Variants in SRRM4 observed in about 807,000 individuals in gnomAD.
SRRM4 encodes the protein serine/arginine repetitive matrix protein 4.
Under a neutral mutation model 68.9 loss-of-function variants are expected in SRRM4, and 33 were observed. The ratio of observed to expected loss-of-function variants is 0.48; its 90% confidence interval spans 0.36 to 0.64. The LOEUF (loss-of-function observed/expected upper bound fraction) is 0.64. SRRM4 is among the 30% of genes least tolerant of loss of function. The probability of loss-of-function intolerance (pLI) is 0.00; values close to 1 mark genes in which losing one functional copy is unlikely to be tolerated. For synonymous variants in SRRM4, 318 were observed against 318.8 expected (o/e 1.00, Z 0.03); for missense variants, 817 against 827.1 (o/e 0.99, Z 0.15).
At chr12:119,041,292 C>T (rs1453584752) in intron 1 of SRRM4, among the ~76,000 whole-genome samples, 1 of 152,082 alleles carries the variant, frequency 6.6e-6, no homozygotes, top group Non-Finnish European at 1.5e-5. Flanking sequence ...TGGAGTCACA[C>T]CTCTAAATTA....
intron 1 of SRRM4, among the ~76,000 whole-genome samples, chr12:119,069,000 G>A (rs1399936781): frequency 6.6e-6 from 1 of 152,016 alleles, no homozygotes; most frequent in African/African-American, 2.4e-5. Context: ...TAGCTCCAGG[G>A]AACAGGGAAT....
intron 1 of SRRM4, among the ~76,000 whole-genome samples, chr12:119,074,626 T>G (rs550232998): frequency 3.4e-4 from 52 of 152,236 alleles, no homozygotes; most frequent in Non-Finnish European, 7.1e-4. Flanking sequence ...AGGAGATGCT[T>G]TTAAAAAGTA....
chr12:119,086,153 A>T (rs760656338), intron 1 of SRRM4, among the ~76,000 whole-genome samples: 3 of 152,194 alleles, frequency 2.0e-5, no homozygotes, highest in Non-Finnish European at 2.9e-5. Flanking sequence ...ACCTGCCTGT[A>T]TGGCACATCT....
rs1195594166 is a variant in SRRM4, at chr12:119,011,156, G to A, written c.131+29143G>A. ...TAAAAAATGTTTTCATCATTCACAAGCTTTCCTCCTGTGTTAGTTATGTAT... is the reference window on the plus strand; with the variant it reads ...TAAAAAATGTTTTCATCATTCACAAACTTTCCTCCTGTGTTAGTTATGTAT... On this transcript the variant is annotated intron_variant, in intron 1 of 12. Transcript: ENST00000267260. Among the ~76,000 whole-genome samples the A allele has an allele frequency of 2.0e-5, 3 of 152,068 alleles. No individual in the cohort carries two copies. In the East Asian group the frequency reaches 5.8e-4, roughly 29 times the overall value.
At chr12:119,071,491 C>A (rs1053144583) in intron 1 of SRRM4, among the ~76,000 whole-genome samples, 5 of 152,146 alleles carry the variant, frequency 3.3e-5, no homozygotes, top group African/African-American at 1.2e-4. Context: ...AATTTGTTTG[C>A]TTTCTAATTT....
intron 1 of SRRM4, among the ~76,000 whole-genome samples, chr12:118,982,669 G>GTT (rs10533651): frequency 0.33 from 37,230 of 113,474 alleles, 7,017 homozygotes; most frequent in Middle Eastern, 0.46. Flanking sequence ...GTTTTATTTT[G>GTT]TTTTTTTTTG....
rs1315917136 is a variant in SRRM4 at position 119,076,354 on chromosome 12, T to C, written c.132-25882T>C. ...GAAAAAAAAATGGCTTTGAGAGGGT[T>C]ATTTGCCTAAACTTGTAAGCTAATA... On this transcript the variant is annotated intron_variant, in intron 1 of 12. Transcript: ENST00000267260. 2.6e-5 allele frequency among the ~76,000 whole-genome samples: 4 copies of C among 152,118 alleles called. No homozygotes were observed. The East Asian group carries it at 7.7e-4, about 29-fold the overall frequency.
At chr12:119,117,138 A>G in intron 4 of SRRM4, 130 bp downstream of exon 4, 1 of 795,304 alleles carries the variant, frequency 1.3e-6, no homozygotes, top group Non-Finnish European at 2.0e-6. Context: ...CTTTTTACGT[A>G]TTTGTGTCTT....
chr12:119,033,318 A>C (rs1001293243), intron 1 of SRRM4, among the ~76,000 whole-genome samples: 1 of 152,042 alleles, frequency 6.6e-6, no homozygotes, highest in Non-Finnish European at 1.5e-5. Flanking sequence ...TTTAAATAAA[A>C]CCCTAGAGAT....
At chr12:119,113,095 A>T (rs2136047516) in intron 2 of SRRM4, among the ~76,000 whole-genome samples, 1 of 152,350 alleles carries the variant, frequency 6.6e-6, no homozygotes, top group East Asian at 1.9e-4. Flanking sequence ...GATAATTTTT[A>T]AAAAGTGGCT....
chr12:119,154,631 C>T lies in SRRM4; in HGVS notation c.1532+248C>T, dbSNP rs949082688. On this transcript the variant is annotated intron_variant, in intron 12 of 12. Coordinates refer to ENST00000267260, the MANE Select transcript of SRRM4 (RefSeq NM_194286.4). This position sits in a 1 kb window ranked among gnomAD's most constrained non-coding sequence, Gnocchi z 4.7. Reference sequence around the variant, plus strand: ...GGCCAGCCTGAAGAATCGGGTGTGGCATGGGGGAGTGGCCAAAGCCTGAGG... The same window carrying T: ...GGCCAGCCTGAAGAATCGGGTGTGGTATGGGGGAGTGGCCAAAGCCTGAGG... 6.6e-6 allele frequency among the ~76,000 whole-genome samples: 1 copy of T among 152,090 alleles called. No individual in the cohort carries two copies. The highest frequency in any genetic ancestry group is 1.5e-5 in the Non-Finnish European group (1 of 68,014).
intron 9 of SRRM4, among the ~76,000 whole-genome samples, chr12:119,149,480 G>A (rs1027240990): frequency 1.3e-5 from 2 of 152,222 alleles, no homozygotes; most frequent in Admixed American, 1.3e-4. Context: ...AGAAGAGACA[G>A]CCTACAAGTA....
rs1357910560 is a variant in SRRM4, at chr12:119,024,507, A to G, written c.131+42494A>G. On this transcript the variant is annotated intron_variant, in intron 1 of 12. Coordinates refer to ENST00000267260, the MANE Select transcript of SRRM4 (RefSeq NM_194286.4). ...GTGTAACTCAGCAACACACACACAT[A>G]GAAGCCCTGCTCCTCATAAGCCCAT... is the stretch of plus-strand genomic sequence containing the variant. Among the ~76,000 whole-genome samples, 3 of 152,226 alleles carry G rather than the reference A, an allele frequency of 2.0e-5. No homozygotes were observed. In the East Asian group the frequency reaches 5.8e-4, roughly 29 times the overall value.
At chr12:119,011,967 A>G (rs1953452430) in intron 1 of SRRM4, among the ~76,000 whole-genome samples, 1 of 152,216 alleles carries the variant, frequency 6.6e-6, no homozygotes, top group Admixed American at 6.5e-5. Flanking sequence ...GAATTTGAGG[A>G]TTAAGTAAGG....
At chr12:118,992,738 A>AG (rs376046775) in intron 1 of SRRM4, among the ~76,000 whole-genome samples, 35 of 152,330 alleles carry the variant, frequency 2.3e-4, no homozygotes, top group Middle Eastern at 3.4e-3. Context: ...GAGGGCAGCC[A>AG]GGGGGACCTT....
chr12:118,990,609 A>G (rs959193085), intron 1 of SRRM4, among the ~76,000 whole-genome samples: 1 of 152,026 alleles, frequency 6.6e-6, no homozygotes, highest in Non-Finnish European at 1.5e-5. Flanking sequence ...TGTTTTGCTC[A>G]TCTTGTTTTA....
chr12:119,047,861 C>A (rs868156609), intron 1 of SRRM4, among the ~76,000 whole-genome samples: 1 of 152,198 alleles, frequency 6.6e-6, no homozygotes, highest in Non-Finnish European at 1.5e-5. Flanking sequence ...AATAAGCCCA[C>A]CCCTAGTAGG....
chr12:119,150,995 A>G (rs554818640), intron 9 of SRRM4, 22 bp from the exon 10 acceptor site: 2 of 1,612,270 alleles, frequency 1.2e-6, no homozygotes, highest in South Asian at 1.1e-5. Flanking sequence ...GTCGGTGCTC[A>G]TGGACATTTT....
At position 119,160,892 on chromosome 12, in the gene SRRM4, G is replaced by C. The variant is rs931375288; in HGVS notation, c.*4094G>C. 20 of 152,340 alleles carry C rather than the reference G, an allele frequency of 1.3e-4. No individual in the cohort carries two copies. Among genetic ancestry groups the C allele is most frequent in the African/African-American group, 4.3e-4 (18 of 41,582 alleles). 9.4% of individuals were successfully genotyped at this position (152,340 alleles called of 1,614,324 possible). A position where few individuals can be genotyped will look rare whatever the true frequency, so the allele number is the denominator to read the frequency against. ...CTAAGTAACTCAAAGCCCCCTATTA[G>C]TAACATTCTGGTTCACTGAGGTTTG... On this transcript the variant is annotated 3_prime_UTR_variant, in exon 13 of 13. Transcript: ENST00000267260.
Sources: gnomAD v4.1 joint callset for allele counts (sites outside exome capture counted in the v4.1 genomes callset) on GRCh38, gnomAD v4.1.1 for gene constraint, Gnocchi (gnomAD v3.1) non-coding constraint, MANE v1.5 for transcripts, NCBI Gene and HGNC (gene_info 2026-07-23, HGNC 2026-07-21) for gene names.